The following ACSBG1 variants were observed in gnomAD, a reference collection of about 807,000 sequenced individuals.
ACSBG1 encodes long-chain-fatty-acid--CoA ligase ACSBG1.
A neutral mutation model predicts 80.2 loss-of-function variants in ACSBG1; 39 were observed. The ratio of observed to expected loss-of-function variants is 0.49; its 90% CI spans 0.38 to 0.64. The LOEUF (loss-of-function observed/expected upper bound fraction) is 0.64, where lower values mean the gene tolerates loss of function less well. ACSBG1 is among the 30% of genes least tolerant of loss of function. ACSBG1 has a pLI of 0.00. For missense variants in ACSBG1, 828 were observed against 966.4 expected, an observed-to-expected ratio of 0.86 and a Z score of 1.90; for synonymous variants, 392 against 379.5, an observed-to-expected ratio of 1.03 and a Z score of -0.38.
rs1454154981 is a variant in ACSBG1 at position 78,208,057 on chromosome 15, A to C, written c.177T>G (p.His59Gln). 3.7e-6 allele frequency: 6 copies of C among 1,611,658 alleles called. No homozygotes were observed. Among genetic ancestry groups the C allele is most frequent in the Non-Finnish European group, 3.4e-6 (4 of 1,178,760 alleles). Residue 59 changes from histidine (H) to glutamine (Q), a missense_variant, in exon 2 of 14, where the codon CAT becomes CAG. By Grantham distance (24) the His-to-Gln change is conservative (BLOSUM62 0). Transcript: ENST00000258873. ...TCTCTGGCACTGAGAGCTCGAGAGC[A>C]TGGTTCAGGGACTCTTTGGAGAGTG... is the stretch of plus-strand genomic sequence containing the variant. ...RQPLSKESLN[H>Q]ALELSVPEKV...
intron 5 of ACSBG1, among the ~76,000 whole-genome samples, chr15:78,192,097 G>A (rs570689987): frequency 1.3e-5 from 2 of 152,122 alleles, no homozygotes; most frequent in Non-Finnish European, 2.9e-5. Flanking sequence ...CTGTGAGAAC[G>A]CCAGCTGAGG....
At chr15:78,189,299 G>C (rs1389558823) in intron 5 of ACSBG1, among the ~76,000 whole-genome samples, 2 of 150,874 alleles carry the variant, frequency 1.3e-5, no homozygotes, top group African/African-American at 4.9e-5. Context: ...AATACCATTT[G>C]ACCCAGCCAT....
chr15:78,222,915 T>C (rs2075370384), intron 1 of ACSBG1, among the ~76,000 whole-genome samples: 1 of 152,156 alleles, frequency 6.6e-6, no homozygotes, highest in Non-Finnish European at 1.5e-5. Flanking sequence ...AAATAGAAGA[T>C]GGGAGGATTT....
intron 1 of ACSBG1, among the ~76,000 whole-genome samples, chr15:78,209,465 C>T (rs2141369517): frequency 6.6e-6 from 1 of 152,230 alleles, no homozygotes; most frequent in Non-Finnish European, 1.5e-5. Flanking sequence ...GCTTCCGGGG[C>T]GAGGCCTCCT....
chr15:78,180,388 T>C (rs76066348), intron 9 of ACSBG1, among the ~76,000 whole-genome samples: 530 of 152,328 alleles, frequency 3.5e-3, no homozygotes, highest in Non-Finnish European at 5.2e-3. Context: ...GAGGGGTCAC[T>C]TGGGATGCTG....
intron 1 of ACSBG1, among the ~76,000 whole-genome samples, chr15:78,231,304 T>G (rs2075445475): frequency 6.6e-6 from 1 of 150,874 alleles, no homozygotes; most frequent in Admixed American, 6.6e-5. Context: ...TTTTTTTGTA[T>G]TTTTTTAGTA....
chr15:78,181,267 T>A lies in ACSBG1; in HGVS notation c.1072-331A>T, dbSNP rs577681735. On this transcript the variant is annotated intron_variant, in intron 8 of 13. Coordinates refer to ENST00000258873, the MANE Select transcript of ACSBG1 (RefSeq NM_015162.5). ...GGTTTGAGAACAGACAGGTGACACTTTGGGACACTGAGATGCTGGTGGAGG... is the reference window on the plus strand; with the variant it reads ...GGTTTGAGAACAGACAGGTGACACTATGGGACACTGAGATGCTGGTGGAGG... 6.4e-4 allele frequency among the ~76,000 whole-genome samples: 98 copies of A among 152,244 alleles called. 1 individual carries two copies. Among genetic ancestry groups the A allele is most frequent in the African/African-American group, 2.3e-3 (95 of 41,556 alleles).
At chr15:78,187,654 AG>A (rs1250380400) in intron 5 of ACSBG1, among the ~76,000 whole-genome samples, 2 of 152,228 alleles carry the variant, frequency 1.3e-5, no homozygotes, top group Non-Finnish European at 2.9e-5. Flanking sequence ...TCAATAAATT[AG>A]GTATTGATGG....
In ACSBG1 at chr15:78,172,966, T is replaced by C. The variant is rs1483377919; in HGVS notation, c.2089+627A>G. 6.6e-6 allele frequency among the ~76,000 whole-genome samples: 1 copy of C among 152,192 alleles called. No homozygotes were observed. ...GCTGAACACTAGCAGGGCCTTGGTGTTGGCCTGGTAGTTCCATTGTGATTT... is the reference window on the plus strand; with the variant it reads ...GCTGAACACTAGCAGGGCCTTGGTGCTGGCCTGGTAGTTCCATTGTGATTT... On this transcript the variant is annotated intron_variant, in intron 13 of 13. Transcript: ENST00000258873. The surrounding 1 kb of genome is among the most constrained non-coding windows in gnomAD (Gnocchi z 4.1).
chr15:78,199,089 T>TTTTTC (rs761405093), intron 2 of ACSBG1, among the ~76,000 whole-genome samples: 46 of 152,088 alleles, frequency 3.0e-4, no homozygotes, highest in South Asian at 8.3e-4. Context: ...CAGCGCAATA[T>TTTTTC]TTTTCTTTTC....
In ACSBG1 at chr15:78,172,908, A is replaced by G. The variant is rs2074840312; in HGVS notation, c.2089+685T>C. ...ACAAGCTGACTTTCCGGAAGATCAC[A>G]GTACTCTCACCCCTAGAACCACGTG... On this transcript the variant is annotated intron_variant, in intron 13 of 13. Transcript: ENST00000258873. The surrounding 1 kb of genome is among the most constrained non-coding windows in gnomAD (Gnocchi z 4.1). Among the ~76,000 whole-genome samples the G allele has an allele frequency of 6.6e-6, 1 of 152,234 alleles. No individual in the cohort carries two copies. Among genetic ancestry groups the G allele is most frequent in the African/African-American group, 2.4e-5 (1 of 41,464 alleles).
chr15:78,173,792 T>G lies in ACSBG1; in HGVS notation c.1890A>C (p.Glu630Asp). The change falls in exon 13 of 14, where the codon GAA becomes GAC. Residue 630 changes from glutamate (E) to aspartate (D), a missense_variant. Around this residue, in one of 3 missense-constraint regions of ACSBG1, gnomAD observed 201 missense variants for 227.0 expected, o/e 0.89. Transcript: ENST00000258873. ...CCCTCTGGCAGAACTCCATAGCTTG[T>G]TCAGTCAGATTATCAGTCTGGTCAG... ...DTSDQTDNLT[E>D]QAMEFCQRVG... 6.2e-7 allele frequency: 1 copy of G among 1,614,122 alleles called. No individual in the cohort carries two copies. Among genetic ancestry groups the G allele is most frequent in the Non-Finnish European group, 8.5e-7 (1 of 1,180,016 alleles).
chr15:78,180,722 TC>T, intron 9 of ACSBG1, 32 bp downstream of exon 9: 1 of 1,601,718 alleles, frequency 6.2e-7, no homozygotes, highest in Non-Finnish European at 8.5e-7. Flanking sequence ...GCCCACTCTC[TC>T]CCCAGGCCTC....
At chr15:78,214,832 C>T (rs1435102470) in intron 1 of ACSBG1, among the ~76,000 whole-genome samples, 13 of 152,156 alleles carry the variant, frequency 8.5e-5, no homozygotes, top group East Asian at 1.9e-4. Flanking sequence ...AGATGGCAAA[C>T]GACTGTCAGA....
chr15:78,205,005 G>A (rs939641554), intron 2 of ACSBG1, among the ~76,000 whole-genome samples: 1 of 152,058 alleles, frequency 6.6e-6, no homozygotes, highest in African/African-American at 2.4e-5. Flanking sequence ...GAGTTTCCTA[G>A]GGAGAAAGCG....
At chr15:78,183,060 C>G (rs1595883520) in intron 5 of ACSBG1, among the ~76,000 whole-genome samples, 1 of 152,242 alleles carries the variant, frequency 6.6e-6, no homozygotes, top group East Asian at 1.9e-4. Context: ...AAACCATGAT[C>G]CAGCCACACA....
intron 1 of ACSBG1, among the ~76,000 whole-genome samples, chr15:78,233,844 T>A (rs2075470192): frequency 6.6e-6 from 1 of 152,192 alleles, no homozygotes; most frequent in African/African-American, 2.4e-5. Context: ...ATACGTTGAA[T>A]CCACTTCCTC....
intron 9 of ACSBG1, among the ~76,000 whole-genome samples, chr15:78,180,149 G>A (rs957240269): frequency 3.9e-5 from 6 of 152,216 alleles, no homozygotes; most frequent in African/African-American, 1.4e-4. Flanking sequence ...GGACCCCAGT[G>A]AAGCCCACAA....
chr15:78,179,611 C>T lies in ACSBG1; in HGVS notation c.1423G>A (p.Gly475Ser), dbSNP rs1255578373. Residue 475 changes from glycine (G) to serine (S), a missense_variant, in exon 10 of 14, where the codon GGC becomes AGC. Gly to Ser is a moderately conservative substitution (Grantham distance 56). Coordinates refer to ENST00000258873, the MANE Select transcript of ACSBG1 (RefSeq NM_015162.5). ...TGGGGGCCTGAGGTCTCACTGAGGC[C>T]GTAGCCCGCATACAAGCGGATGTTG... Reference protein sequence around the residue: ...GLNIRLYAGYGLSETSGPHFM... With the variant: ...GLNIRLYAGYSLSETSGPHFM... 23 of 1,614,032 alleles carry T rather than the reference C, an allele frequency of 1.4e-5. No homozygotes were observed. The highest frequency in any genetic ancestry group is 1.9e-5 in the Non-Finnish European group (23 of 1,180,042).
Sources: allele counts gnomAD v4.1 joint callset (sites outside exome capture counted in the v4.1 genomes callset), GRCh38; gene constraint gnomAD v4.1.1; regional missense constraint gnomAD v4.1.1; non-coding constraint Gnocchi (gnomAD v3.1); transcripts MANE v1.5; gene names NCBI Gene and HGNC (gene_info 2026-07-23, HGNC 2026-07-21).